PCDHGB7: variants seen among roughly 807,000 people sequenced by gnomAD.
The protein encoded by PCDHGB7 is protocadherin gamma subfamily B, 7, also known as protocadherin gamma-B7.
In PCDHGB7, 37 loss-of-function variants were observed where a neutral mutation model predicts 61.4. The observed-to-expected ratio is 0.60, with a 90% CI of 0.46 to 0.79. The LOEUF is 0.79. Among genes scored for constraint, PCDHGB7 ranks in the 30% least tolerant of loss-of-function variants. The pLI is 0.00. For synonymous variants in PCDHGB7, 464 were observed against 503.5 expected, an observed-to-expected ratio of 0.92 and a Z score of 1.05; for missense variants, 1,166 against 1,202.5, an observed-to-expected ratio of 0.97 and a Z score of 0.45.
chr5:141,493,694 G>A lies in PCDHGB7; in HGVS notation c.2416-1113G>A, dbSNP rs929897875. On this transcript the variant is annotated intron_variant, in intron 1 of 3. Transcript: ENST00000398594. This position sits in a 1 kb window ranked among gnomAD's most constrained non-coding sequence, Gnocchi z 4.3. ...CCCCAGAATGGTGCTGGTGACTCCC[G>A]ATACACCTGGAATGCTAGGTTTCTG... Among the ~76,000 whole-genome samples the A allele has an allele frequency of 5.9e-5, 9 of 152,130 alleles. No individual in the cohort carries two copies. Among genetic ancestry groups the A allele is most frequent in the African/African-American group, 9.7e-5 (4 of 41,404 alleles).
chr5:141,438,231 TG>T (rs987686126), intron 1 of PCDHGB7, among the ~76,000 whole-genome samples: 1 of 152,082 alleles, frequency 6.6e-6, no homozygotes, highest in African/African-American at 2.4e-5. Context: ...TTCAGGAAAA[TG>T]TTTTTAAAAA....
chr5:141,505,246 G>GAAGT, intron 2 of PCDHGB7, 147 bp from the exon 3 acceptor site: 3 of 1,436,674 alleles, frequency 2.1e-6, no homozygotes, highest in Non-Finnish European at 2.8e-6. Context: ...AAGGATTGTA[G>GAAGT]AAGTGCCTCC....
chr5:141,494,701 C>G, intron 1 of PCDHGB7, 106 bp from the exon 2 acceptor site: 1 of 1,594,596 alleles, frequency 6.3e-7, no homozygotes, highest in Non-Finnish European at 8.6e-7. Context: ...CCGTTTTCTT[C>G]TCTGTGCCCA....
In PCDHGB7 at chr5:141,476,928, T is replaced by C. The variant is rs1279715094; in HGVS notation, c.2416-17879T>C. 6.2e-7 allele frequency: 1 copy of C among 1,614,142 alleles called. No individual in the cohort carries two copies. The highest frequency in any genetic ancestry group is 2.2e-5 in the East Asian group (1 of 44,868). On this transcript the variant is annotated intron_variant, in intron 1 of 3. Transcript: ENST00000398594. This position sits in a 1 kb window ranked among gnomAD's most constrained non-coding sequence, Gnocchi z 7.6. ...GTGGTACAAGTCCTTGCAACGGATC[T>C]GGATGAAGGCCCCAACGGTGAAATT...
At chr5:141,422,762 C>T in intron 1 of PCDHGB7, 1 of 1,613,392 alleles carries the variant, frequency 6.2e-7, no homozygotes. Flanking sequence ...AACTCCAACA[C>T]TGGTGTTCTC....
intron 1 of PCDHGB7, among the ~76,000 whole-genome samples, chr5:141,456,640 TG>T (rs1258175023): frequency 6.6e-6 from 1 of 152,130 alleles, no homozygotes; most frequent in Non-Finnish European, 1.5e-5. Flanking sequence ...TTACTACAGG[TG>T]TTAATCCCAA....
chr5:141,423,141 G>A, intron 1 of PCDHGB7: 1 of 1,613,580 alleles, frequency 6.2e-7, no homozygotes, highest in Non-Finnish European at 8.5e-7. Context: ...ACAGAGACGC[G>A]CTCAAGCAGA....
Position 141,476,854 on chromosome 5 carries a change from G to A in PCDHGB7, c.2416-17953G>A. The A allele has an allele frequency of 6.2e-7, 1 of 1,613,860 alleles. No individual in the cohort carries two copies. The highest frequency in any genetic ancestry group is 1.1e-5 in the South Asian group (1 of 91,088). ...ATGACAATGCGCCTGTCTTCAACCA[G>A]TCCTTGTACCGGGCGCGCGTCCTGG... On this transcript the variant is annotated intron_variant, in intron 1 of 3. Transcript: ENST00000398594. This position sits in a 1 kb window ranked among gnomAD's most constrained non-coding sequence, Gnocchi z 7.6.
In PCDHGB7 at chr5:141,490,261, G is replaced by T; in HGVS notation, c.2416-4546G>T. 6.2e-7 allele frequency: 1 copy of T among 1,614,218 alleles called. No individual in the cohort carries two copies. Among genetic ancestry groups the T allele is most frequent in the Non-Finnish European group, 8.5e-7 (1 of 1,180,038 alleles). ...CCACTGTGTGATTCAAGTGGATGTG[G>T]GGGATGTCAATGACAATGCCCCAGA... On this transcript the variant is annotated intron_variant, in intron 1 of 3. Coordinates refer to ENST00000398594, the MANE Select transcript of PCDHGB7 (RefSeq NM_018927.4). The surrounding 1 kb of genome is among the most constrained non-coding windows in gnomAD (Gnocchi z 5.4).
intron 1 of PCDHGB7, among the ~76,000 whole-genome samples, chr5:141,460,979 GTGTGTATATA>G (rs143444831): frequency 0.04 from 5,417 of 134,264 alleles, 125 homozygotes; most frequent in South Asian, 0.082. Context: ...GTGTGTGTGT[GTGTGTATATA>G]TATATATGTG....
In PCDHGB7 at chr5:141,422,632, G is replaced by T. The variant is rs199543811; in HGVS notation, c.2415+2358G>T. ...CTACATTCCCGAAAACAACCCCAGGGGTGCCTCCATCTTCTCAGTGACCGC... is the reference window on the plus strand; with the variant it reads ...CTACATTCCCGAAAACAACCCCAGGTGTGCCTCCATCTTCTCAGTGACCGC... On this transcript the variant is annotated intron_variant, in intron 1 of 3. Coordinates refer to ENST00000398594, the MANE Select transcript of PCDHGB7 (RefSeq NM_018927.4). 4,245 of 1,613,132 alleles carry T rather than the reference G, an allele frequency of 2.6e-3. 5 individuals carry two copies. The highest frequency in any genetic ancestry group is 3.2e-3 in the Admixed American group (193 of 59,948).
rs1242446631 is a variant in PCDHGB7 at position 141,418,583 on chromosome 5, T to A, written c.724T>A (p.Phe242Ile). The A allele has an allele frequency of 6.2e-7, 1 of 1,613,862 alleles. No individual in the cohort carries two copies. The highest frequency in any genetic ancestry group is 8.5e-7 in the Non-Finnish European group (1 of 1,179,890). The change falls in exon 1 of 4, where the codon TTC becomes ATC. Residue 242 changes from phenylalanine (F) to isoleucine (I), a missense_variant. Physicochemically the swap from Phe to Ile is conservative, Grantham distance 21. Coordinates refer to ENST00000398594, the MANE Select transcript of PCDHGB7 (RefSeq NM_018927.4). Reference sequence around the variant, plus strand: ...AGATGCCAATGACAACCCCCCAGTGTTCAGCCAGGACGTGTACAGGGTTAG... The same window carrying A: ...AGATGCCAATGACAACCCCCCAGTGATCAGCCAGGACGTGTACAGGGTTAG... ...VIDANDNPPV[F>I]SQDVYRVSLR...
Position 141,491,531 on chromosome 5 carries a change from T to G in PCDHGB7, c.2416-3276T>G, listed in dbSNP as rs532897059. On this transcript the variant is annotated intron_variant, in intron 1 of 3. Coordinates refer to ENST00000398594, the MANE Select transcript of PCDHGB7 (RefSeq NM_018927.4). This position sits in a 1 kb window ranked among gnomAD's most constrained non-coding sequence, Gnocchi z 6.9. ...ACGCTCAAGTACATGGAGGTGACGC[T>G]GCGGCCCACAGACTCGCAGAGCCAC... The G allele has an allele frequency of 6.2e-7, 1 of 1,614,044 alleles. No homozygotes were observed. The highest frequency in any genetic ancestry group is 1.7e-5 in the Admixed American group (1 of 60,028).
chr5:141,428,395 G>A, intron 1 of PCDHGB7: 1 of 488,280 alleles, frequency 2.0e-6, no homozygotes, highest in Non-Finnish European at 3.8e-6. Flanking sequence ...CAGCCCCTCT[G>A]CCTGGGGTTG....
chr5:141,489,867 G>C lies in PCDHGB7; in HGVS notation c.2416-4940G>C. ...ATCGTGAAGCCCAGGCAAGACATCA[G>C]CTGGTGCTTACTGCTGTGGATGGGG... On this transcript the variant is annotated intron_variant, in intron 1 of 3. Transcript: ENST00000398594. This position sits in a 1 kb window ranked among gnomAD's most constrained non-coding sequence, Gnocchi z 4.5. 1 of 1,614,240 alleles carries C rather than the reference G, an allele frequency of 6.2e-7. No individual in the cohort carries two copies. Among genetic ancestry groups the C allele is most frequent in the Non-Finnish European group, 8.5e-7 (1 of 1,180,034 alleles).
At chr5:141,500,260 C>G (rs2099798502) in intron 2 of PCDHGB7, among the ~76,000 whole-genome samples, 3 of 151,104 alleles carry the variant, frequency 2.0e-5, no homozygotes, top group African/African-American at 2.4e-5. Flanking sequence ...CCAGGCTGGA[C>G]TGCAGTGGCG....
chr5:141,444,043 T>C (rs542828018), intron 1 of PCDHGB7, among the ~76,000 whole-genome samples: 1 of 151,820 alleles, frequency 6.6e-6, no homozygotes, highest in African/African-American at 2.4e-5. Context: ...AATCAGATAA[T>C]TTGGCATCTT....
In PCDHGB7 at chr5:141,502,866, C is replaced by CTTTTTTTTTTTT. The variant is rs549047197; in HGVS notation, c.2475-2524_2475-2513dup. 2.4e-4 allele frequency among the ~76,000 whole-genome samples: 31 copies of CTTTTTTTTTTTT among 128,008 alleles called. 3 individuals are homozygous for CTTTTTTTTTTTT. Among genetic ancestry groups the CTTTTTTTTTTTT allele is most frequent in the African/African-American group, 3.4e-4 (11 of 32,350 alleles). 84.0% of individuals were successfully genotyped at this position (128,008 alleles called of 152,430 possible). ...GAGCTGCCTAACCCTGACTCTCTGT[C>CTTTTTTTTTTTT]TTTTTTTTTTTTTTGACAGGGAGTC... is the stretch of plus-strand genomic sequence containing the variant. On this transcript the variant is annotated intron_variant, in intron 2 of 3. Transcript: ENST00000398594.
chr5:141,478,594 C>T, intron 1 of PCDHGB7: 2 of 1,569,448 alleles, frequency 1.3e-6, no homozygotes, highest in Non-Finnish European at 1.7e-6. Context: ...TTTTTTATTC[C>T]TACATCATAT....
Sources: allele counts gnomAD v4.1 joint callset (sites outside exome capture counted in the v4.1 genomes callset), GRCh38; gene constraint gnomAD v4.1.1; non-coding constraint Gnocchi (gnomAD v3.1); transcripts MANE v1.5; gene names NCBI Gene and HGNC (gene_info 2026-07-23, HGNC 2026-07-21).